ROBO2: variants seen among roughly 807,000 people sequenced by gnomAD.
The protein encoded by ROBO2 is roundabout guidance receptor 2.
Under a neutral mutation model 160.8 loss-of-function variants are expected in ROBO2, and 53 were observed. The observed-to-expected ratio is 0.33, with a 90% confidence interval of 0.26 to 0.41. ROBO2 has a LOEUF of 0.41. Among genes scored for constraint, ROBO2 ranks in the 10% least tolerant of loss-of-function variants. The pLI is 1.00. For missense variants in ROBO2, 1,577 were observed against 1,722.4 expected, an observed-to-expected ratio of 0.92 and a Z score of 1.49; for synonymous variants, 664 against 611.7, an observed-to-expected ratio of 1.09 and a Z score of -1.26.
At chr3:76,618,598 T>A (rs1244772448) in intron 2 of ROBO2, among the ~76,000 whole-genome samples, 1 of 151,656 alleles carries the variant, frequency 6.6e-6, no homozygotes, top group African/African-American at 2.4e-5. Context: ...GATAATTCCT[T>A]GAACATAATG....
chr3:75,954,097 G>A (rs2107212880), intron 2 of ROBO2, among the ~76,000 whole-genome samples: 1 of 151,842 alleles, frequency 6.6e-6, no homozygotes, highest in East Asian at 2.0e-4. Flanking sequence ...TGTTCATGCA[G>A]TCAGCATAAA....
intron 1 of ROBO2, 42 bp downstream of exon 1, chr3:77,040,888 C>T (rs773591183): frequency 3.1e-6 from 5 of 1,609,320 alleles, no homozygotes; most frequent in African/African-American, 2.7e-5. Context: ...GCCCCCCACC[C>T]CCCAATCCCC....
intron 2 of ROBO2, among the ~76,000 whole-genome samples, chr3:76,597,257 A>T (rs2086793922): frequency 6.6e-6 from 1 of 152,122 alleles, no homozygotes; most frequent in Admixed American, 6.6e-5. Context: ...AAAAATTAAT[A>T]AATGGACCAC....
rs1055925461 is a variant in ROBO2, at chr3:76,132,159, A to C, written c.109+194557A>C. Among the ~76,000 whole-genome samples the C allele has an allele frequency of 4.6e-5, 7 of 152,172 alleles. No individual in the cohort carries two copies. In the East Asian group the frequency reaches 1.4e-3, roughly 29 times the overall value. On this transcript the variant is annotated intron_variant, in intron 2 of 26. Coordinates refer to the ROBO2 transcript ENST00000487694. Reference sequence around the variant, plus strand: ...GATACAAAATAAAATCCGCACAGGGAAGAGGCACATGGGGCAAAACCCCAA... The same window carrying C: ...GATACAAAATAAAATCCGCACAGGGCAGAGGCACATGGGGCAAAACCCCAA...
intron 2 of ROBO2, among the ~76,000 whole-genome samples, chr3:76,052,622 C>T (rs1189332012): frequency 6.6e-6 from 1 of 151,868 alleles, no homozygotes; most frequent in Non-Finnish European, 1.5e-5. Context: ...ATTCTTGCTG[C>T]TTTATAAAAC....
At chr3:76,697,842 G>GA (rs949113943) in intron 2 of ROBO2, among the ~76,000 whole-genome samples, 9 of 150,678 alleles carry the variant, frequency 6.0e-5, no homozygotes, top group African/African-American at 1.9e-4. Context: ...AAGAGCGAAG[G>GA]AAAAAAAAAT....
intron 2 of ROBO2, among the ~76,000 whole-genome samples, chr3:77,359,920 A>C (rs1354414901): frequency 6.6e-6 from 1 of 152,172 alleles, no homozygotes; most frequent in African/African-American, 2.4e-5. Flanking sequence ...TCCTGGGCTC[A>C]AGTGATCTAC....
intron 2 of ROBO2, among the ~76,000 whole-genome samples, chr3:77,473,974 G>A (rs2083674719): frequency 6.6e-6 from 1 of 152,074 alleles, no homozygotes; most frequent in Admixed American, 6.5e-5. Flanking sequence ...AGCACAGGAT[G>A]AAGTTGTTCT....
At chr3:76,243,330 C>CGTAA (rs540221592) in intron 2 of ROBO2, among the ~76,000 whole-genome samples, 1 of 152,058 alleles carries the variant, frequency 6.6e-6, no homozygotes, top group South Asian at 2.1e-4. Context: ...AAAGCCCTGC[C>CGTAA]GTAACTCCCT....
chr3:77,227,561 C>T (rs1417315554), intron 2 of ROBO2, among the ~76,000 whole-genome samples: 5 of 152,160 alleles, frequency 3.3e-5, no homozygotes, highest in Non-Finnish European at 1.5e-5. Flanking sequence ...AAGGAAAGAA[C>T]AAGTTAAGGA....
chr3:77,147,708 A>T (rs1159503924), intron 2 of ROBO2, among the ~76,000 whole-genome samples: 2 of 152,228 alleles, frequency 1.3e-5, no homozygotes, highest in African/African-American at 4.8e-5. Flanking sequence ...TTACTGCTTA[A>T]TATGACACTT....
intron 2 of ROBO2, among the ~76,000 whole-genome samples, chr3:76,877,580 A>G (rs2072882790): frequency 6.6e-6 from 1 of 152,068 alleles, no homozygotes; most frequent in Admixed American, 6.6e-5. Flanking sequence ...GGTTTTGACC[A>G]CTCTGTTCCA....
intron 2 of ROBO2, among the ~76,000 whole-genome samples, chr3:76,815,504 T>C (rs1482227676): frequency 6.6e-6 from 1 of 152,120 alleles, no homozygotes; most frequent in Non-Finnish European, 1.5e-5. Flanking sequence ...AAAAATATTG[T>C]ACCCAGCGTA....
intron 2 of ROBO2, among the ~76,000 whole-genome samples, chr3:76,165,142 G>A (rs1007666041): frequency 6.6e-6 from 1 of 152,160 alleles, no homozygotes; most frequent in African/African-American, 2.4e-5. Context: ...AGTACTAGAT[G>A]GAATCTTCTT....
intron 2 of ROBO2, among the ~76,000 whole-genome samples, chr3:76,950,288 A>G (rs568876931): frequency 2.6e-5 from 4 of 152,314 alleles, no homozygotes; most frequent in Admixed American, 6.5e-5. Flanking sequence ...CATCCTTTCC[A>G]AAAGCGGAAT....
intron 1 of ROBO2, among the ~76,000 whole-genome samples, chr3:75,927,157 A>G (rs1191850466): frequency 6.6e-6 from 1 of 152,196 alleles, no homozygotes; most frequent in South Asian, 2.1e-4. Flanking sequence ...TTAAACAGCA[A>G]TAACTTTATG....
At chr3:76,710,334 T>C (rs1157993491) in intron 2 of ROBO2, among the ~76,000 whole-genome samples, 1 of 152,136 alleles carries the variant, frequency 6.6e-6, no homozygotes, top group Non-Finnish European at 1.5e-5. Flanking sequence ...TTGGCCAGGA[T>C]GGTCTTGATC....
intron 2 of ROBO2, among the ~76,000 whole-genome samples, chr3:77,001,656 G>T (rs2149420743): frequency 6.6e-6 from 1 of 152,110 alleles, no homozygotes; most frequent in Admixed American, 6.6e-5. Context: ...AATTCCAAAT[G>T]GGCTAATGGT....
At chr3:77,388,891 A>C (rs1300064430) in intron 2 of ROBO2, among the ~76,000 whole-genome samples, 1 of 152,212 alleles carries the variant, frequency 6.6e-6, no homozygotes, top group African/African-American at 2.4e-5. Context: ...CATAGAATGT[A>C]AAGTAAATTC....
Sources: allele counts gnomAD v4.1 joint callset (sites outside exome capture counted in the v4.1 genomes callset), GRCh38; gene constraint gnomAD v4.1.1; transcripts MANE v1.5; gene names NCBI Gene and HGNC (gene_info 2026-07-23, HGNC 2026-07-21).